Variants in IMMP1L observed in about 807,000 individuals in gnomAD.
IMMP1L encodes the protein inner mitochondrial membrane peptidase subunit 1.
IMMP1L carries 24 observed loss-of-function variants against 21.8 expected under a neutral mutation model. That is an observed-to-expected ratio of 1.10 (90% CI 0.80 to 1.55). The LOEUF (loss-of-function observed/expected upper bound fraction) is 1.55, where lower values mean the gene tolerates loss of function less well. IMMP1L is among the 40% of genes most tolerant of loss of function. IMMP1L has a pLI of 0.00. For synonymous variants in IMMP1L, 46 were observed against 62.8 expected (o/e 0.73, Z 1.26); for missense variants, 195 against 200.7 (o/e 0.97, Z 0.17).
At chr11:31,472,947 T>C (rs1326712137) in intron 1 of IMMP1L, among the ~76,000 whole-genome samples, 2 of 151,290 alleles carry the variant, frequency 1.3e-5, no homozygotes, top group East Asian at 1.9e-4. Context: ...CTCACTGCAA[T>C]CTCCGCCTCC....
At chr11:31,453,572 C>A (rs1421300152) in intron 4 of IMMP1L, among the ~76,000 whole-genome samples, 1 of 152,142 alleles carries the variant, frequency 6.6e-6, no homozygotes, top group East Asian at 1.9e-4. Context: ...GAGGGGTAGA[C>A]CCTGCGAACA....
chr11:31,446,854 C>G (rs963920775), intron 4 of IMMP1L, among the ~76,000 whole-genome samples: 1 of 152,206 alleles, frequency 6.6e-6, no homozygotes, highest in Non-Finnish European at 1.5e-5. Flanking sequence ...ATCTATTCCT[C>G]CAACTTAACT....
rs1295675387 is a variant in IMMP1L at position 31,463,215 on chromosome 11, C to T, written c.62G>A (p.Cys21Tyr). The T allele has an allele frequency of 8.1e-6, 13 of 1,612,040 alleles. No homozygotes were observed. The highest frequency in any genetic ancestry group is 1.1e-5 in the South Asian group (1 of 90,760). The change falls in exon 2 of 6, where the codon TGT (cysteine) becomes TAT (tyrosine). Residue 21 changes from cysteine to tyrosine, a missense_variant. Coordinates refer to ENST00000532287, the MANE Select transcript of IMMP1L (RefSeq NM_001304274.2). ...RLVGYTIQYG[C>Y]IAHCAFEYVG... The stretch of plus-strand genomic sequence containing the variant: ...GTATTCAAAAGCACAATGAGCTATA[C>T]AGCCATATTGAATAGTATAGCCAAC...
intron 1 of IMMP1L, among the ~76,000 whole-genome samples, chr11:31,465,961 T>A (rs967958652): frequency 7.2e-5 from 11 of 151,756 alleles, no homozygotes; most frequent in Admixed American, 4.6e-4. Flanking sequence ...TGCACAGCAA[T>A]GAAAATAAAG....
intron 4 of IMMP1L, among the ~76,000 whole-genome samples, chr11:31,437,510 T>C (rs1953166385): frequency 6.6e-6 from 1 of 152,210 alleles, no homozygotes; most frequent in Non-Finnish European, 1.5e-5. Flanking sequence ...AAAAACATAA[T>C]GTTTGCAATT....
At chr11:31,452,914 C>T (rs1235654289) in intron 4 of IMMP1L, 2 of 620,856 alleles carry the variant, frequency 3.2e-6, no homozygotes, top group South Asian at 2.0e-5. Context: ...CCACGCCTGG[C>T]TAATTTTTTG....
chr11:31,466,793 A>G (rs1954371779), intron 1 of IMMP1L, among the ~76,000 whole-genome samples: 1 of 152,086 alleles, frequency 6.6e-6, no homozygotes, highest in African/African-American at 2.4e-5. Flanking sequence ...GAAGTTGGTT[A>G]ATGGACACAA....
At chr11:31,461,799 G>A (rs2133661483) in intron 2 of IMMP1L, among the ~76,000 whole-genome samples, 1 of 152,128 alleles carries the variant, frequency 6.6e-6, no homozygotes, top group Non-Finnish European at 1.5e-5. Flanking sequence ...TAACACTTCT[G>A]GTCCCAAGCA....
At chr11:31,490,565 TA>T (rs1955221650) in intron 1 of IMMP1L, among the ~76,000 whole-genome samples, 1 of 152,150 alleles carries the variant, frequency 6.6e-6, no homozygotes, top group Non-Finnish European at 1.5e-5. Flanking sequence ...CAGCACTCTC[TA>T]ATATAAACAT....
chr11:31,472,351 A>T (rs1053729906), intron 1 of IMMP1L, among the ~76,000 whole-genome samples: 15 of 152,210 alleles, frequency 9.9e-5, no homozygotes, highest in African/African-American at 3.6e-4. Context: ...GGTCAAATAC[A>T]AGACTTATTA....
chr11:31,459,948 G>C (rs182597312), intron 3 of IMMP1L, among the ~76,000 whole-genome samples: 12 of 151,818 alleles, frequency 7.9e-5, no homozygotes, highest in African/African-American at 2.9e-4. Context: ...CTTGAGCTCA[G>C]GAGTTTGAGA....
At chr11:31,508,880 G>A (rs1955884780) in intron 1 of IMMP1L, among the ~76,000 whole-genome samples, 1 of 152,122 alleles carries the variant, frequency 6.6e-6, no homozygotes, top group Admixed American at 6.5e-5. Context: ...TGGTATTTTA[G>A]TAATAAACTC....
At chr11:31,508,967 A>C (rs1396151826) in intron 1 of IMMP1L, among the ~76,000 whole-genome samples, 2 of 152,234 alleles carry the variant, frequency 1.3e-5, no homozygotes, top group Admixed American at 1.3e-4. Context: ...AGAAACCCTA[A>C]GTATTTTCTG....
At chr11:31,473,022 C>T (rs994208182) in intron 1 of IMMP1L, among the ~76,000 whole-genome samples, 2 of 151,544 alleles carry the variant, frequency 1.3e-5, no homozygotes, top group East Asian at 3.9e-4. Flanking sequence ...CCCGCCACCT[C>T]GCACGGCTAA....
At chr11:31,448,980 A>G (rs1591959396) in intron 4 of IMMP1L, 1 of 985,410 alleles carries the variant, frequency 1.0e-6, no homozygotes, top group Non-Finnish European at 1.2e-6. Context: ...AAGAGTAAAC[A>G]TATTTCCTCC....
chr11:31,455,568 G>A (rs946961612), intron 4 of IMMP1L, among the ~76,000 whole-genome samples: 1 of 152,098 alleles, frequency 6.6e-6, no homozygotes, highest in South Asian at 2.1e-4. Flanking sequence ...AATTTAAATA[G>A]GATGTTATTA....
At chr11:31,496,197 A>T (rs547680216) in intron 1 of IMMP1L, among the ~76,000 whole-genome samples, 1 of 152,144 alleles carries the variant, frequency 6.6e-6, no homozygotes, top group Non-Finnish European at 1.5e-5. Flanking sequence ...CAAGGTATAC[A>T]AATGGCCAAT....
At position 31,456,327 on chromosome 11, in the gene IMMP1L, A is replaced by G. The variant is rs767490586; in HGVS notation, c.254T>C (p.Val85Ala). 1 of 1,607,848 alleles carries G rather than the reference A, an allele frequency of 6.2e-7. No homozygotes were observed. Among genetic ancestry groups the G allele is most frequent in the African/African-American group, 1.3e-5 (1 of 74,726 alleles). The change falls in exon 4 of 6, where the codon GTA (valine) becomes GCA (alanine). Residue 85 changes from valine to alanine, a missense_variant. Physicochemically the swap from Val to Ala is moderately conservative, Grantham distance 64. Transcript: ENST00000532287. ...GATTTTGTCTCCTTCCAAACCAATTACTCTTTTACAAATATTTGATTTTGG... is the reference window on the plus strand; with the variant it reads ...GATTTTGTCTCCTTCCAAACCAATTGCTCTTTTACAAATATTTGATTTTGG... ...SDPKSNICKR[V>A]IGLEGDKILT... is the part of the protein sequence containing the mutation.
chr11:31,485,321 C>G (rs987983862), intron 1 of IMMP1L, among the ~76,000 whole-genome samples: 9 of 151,798 alleles, frequency 5.9e-5, no homozygotes, highest in Non-Finnish European at 7.4e-5. Flanking sequence ...CACTGGACTT[C>G]CTATTTGAAG....
Sources: allele counts gnomAD v4.1 joint callset (sites outside exome capture counted in the v4.1 genomes callset), GRCh38; gene constraint gnomAD v4.1.1; transcripts MANE v1.5; gene names NCBI Gene and HGNC (gene_info 2026-07-23, HGNC 2026-07-21).